EPHA3: variants seen among roughly 807,000 people sequenced by gnomAD.
EPHA3 encodes the protein EPH receptor A3.
EPHA3 carries 42 observed loss-of-function variants against 107.1 expected under a neutral mutation model. The ratio of observed to expected loss-of-function variants is 0.39; its 90% CI spans 0.31 to 0.51. EPHA3 has a LOEUF of 0.51. EPHA3 is among the 20% of genes least tolerant of loss of function. The probability of loss-of-function intolerance (pLI) is 0.78; values close to 1 mark genes in which losing one functional copy is unlikely to be tolerated. For synonymous variants in EPHA3, 461 were observed against 424.8 expected, an observed-to-expected ratio of 1.09 and a Z score of -1.05; for missense variants, 1,183 against 1,211.2, an observed-to-expected ratio of 0.98 and a Z score of 0.35.
In EPHA3 at chr3:89,450,281, C is replaced by A. The variant is rs2107555206; in HGVS notation, c.2601C>A (p.Asn867Lys). ...MLDCWQKDRN[N>K]RPKFEQIVSI... ...ACTGCTGGCAGAAAGACAGGAACAA[C>A]AGACCCAAGTTTGAGCAGATTGTTA... The change falls in exon 15 of 17, where the codon AAC becomes AAA. Residue 867 changes from asparagine to lysine, a missense_variant. Asn to Lys is a moderately conservative substitution (Grantham distance 94). Transcript: ENST00000336596. 6.2e-7 allele frequency: 1 copy of A among 1,614,048 alleles called. No individual in the cohort carries two copies. The highest frequency in any genetic ancestry group is 8.5e-7 in the Non-Finnish European group (1 of 1,179,962).
chr3:89,204,334 A>G (rs991465768), intron 2 of EPHA3, among the ~76,000 whole-genome samples: 1 of 152,144 alleles, frequency 6.6e-6, no homozygotes, highest in Non-Finnish European at 1.5e-5. Context: ...AACTGTCCAC[A>G]TCTTCCCACA....
chr3:89,460,975 C>G (rs375199255), intron 15 of EPHA3, among the ~76,000 whole-genome samples: 3,042 of 119,732 alleles, frequency 0.025, 17 homozygotes, highest in Non-Finnish European at 0.042. Context: ...ATCCCTCCCC[C>G]CTCCCCCGAC....
rs1352754864 is a variant in EPHA3, at chr3:89,130,054, G to C, written c.153+2781G>C. Among the ~76,000 whole-genome samples the C allele has an allele frequency of 2.0e-5, 3 of 152,110 alleles. No homozygotes were observed. In the East Asian group the frequency reaches 5.8e-4, roughly 29 times the overall value. On this transcript the variant is annotated intron_variant, in intron 2 of 16. Transcript: ENST00000336596. ...GGTAGTGGTTCTTAACAGGTTGAGCGAGTAAGGGAAGAGGGAATTTTTATT... is the reference window on the plus strand; with the variant it reads ...GGTAGTGGTTCTTAACAGGTTGAGCCAGTAAGGGAAGAGGGAATTTTTATT...
Position 89,148,367 on chromosome 3 carries a change from T to C in EPHA3, c.153+21094T>C, listed in dbSNP as rs1448568485. On this transcript the variant is annotated intron_variant, in intron 2 of 16. Transcript: ENST00000336596. ...TGTTTTACTGGAAAGAGTCTCTTCTTGGGTTTAAAAATTTTACCAATTAAG... is the reference window on the plus strand; with the variant it reads ...TGTTTTACTGGAAAGAGTCTCTTCTCGGGTTTAAAAATTTTACCAATTAAG... Among the ~76,000 whole-genome samples, 6 of 152,050 alleles carry C rather than the reference T, an allele frequency of 3.9e-5. No individual in the cohort carries two copies. In the East Asian group the frequency reaches 1.2e-3, roughly 30 times the overall value.
chr3:89,305,147 A>G (rs1030436507), intron 3 of EPHA3, among the ~76,000 whole-genome samples: 1 of 152,176 alleles, frequency 6.6e-6, no homozygotes, highest in Non-Finnish European at 1.5e-5. Flanking sequence ...TACTTGCAAT[A>G]CTTTCCATAT....
At chr3:89,194,460 T>C (rs11918311) in intron 2 of EPHA3, among the ~76,000 whole-genome samples, 21,898 of 151,962 alleles carry the variant, frequency 0.14, 1,730 homozygotes, top group African/African-American at 0.22. Flanking sequence ...TGGACTTTTA[T>C]TAGCTTTGAC....
At chr3:89,412,744 C>A (rs1429577073) in intron 9 of EPHA3, among the ~76,000 whole-genome samples, 1 of 151,668 alleles carries the variant, frequency 6.6e-6, no homozygotes, top group Non-Finnish European at 1.5e-5. Flanking sequence ...TAATACATAT[C>A]TGGTTATTAT....
chr3:89,126,367 C>T (rs768076079), intron 1 of EPHA3, among the ~76,000 whole-genome samples: 2 of 151,568 alleles, frequency 1.3e-5, no homozygotes, highest in Non-Finnish European at 1.5e-5. Flanking sequence ...ATTTGAAATG[C>T]TGTTGTATAT....
chr3:89,162,038 G>C (rs1704958903), intron 2 of EPHA3, among the ~76,000 whole-genome samples: 1 of 151,344 alleles, frequency 6.6e-6, no homozygotes, highest in Non-Finnish European at 1.5e-5. Flanking sequence ...AACCTCTCTT[G>C]CTTAGTGAGC....
chr3:89,184,925 T>C (rs910392430), intron 2 of EPHA3, among the ~76,000 whole-genome samples: 6 of 152,068 alleles, frequency 3.9e-5, no homozygotes, highest in Admixed American at 1.3e-4. Context: ...ACAGGGAGAT[T>C]GGCATGTCTG....
chr3:89,157,863 G>GAA (rs59841206), intron 2 of EPHA3, among the ~76,000 whole-genome samples: 44 of 139,162 alleles, frequency 3.2e-4, no homozygotes, highest in South Asian at 4.5e-4. Flanking sequence ...TGAAGAAAAA[G>GAA]AAAAAAAAAA....
chr3:89,131,637 A>G (rs1448189544), intron 2 of EPHA3, among the ~76,000 whole-genome samples: 1 of 152,214 alleles, frequency 6.6e-6, no homozygotes, highest in Non-Finnish European at 1.5e-5. Flanking sequence ...CACTTAATTA[A>G]AGAAACTCCA....
chr3:89,455,814 A>C (rs1710086672), intron 15 of EPHA3, among the ~76,000 whole-genome samples: 1 of 152,238 alleles, frequency 6.6e-6, no homozygotes. Flanking sequence ...ATTCTGTGGC[A>C]GCACCAGTGA....
At chr3:89,438,688 TGTCC>T (rs1359935022) in intron 13 of EPHA3, among the ~76,000 whole-genome samples, 12 of 152,212 alleles carry the variant, frequency 7.9e-5, no homozygotes, top group Admixed American at 7.9e-4. Context: ...ATCTAATTTG[TGTCC>T]TTCATATAGT....
chr3:89,326,356 G>T (rs1262910956), intron 3 of EPHA3, among the ~76,000 whole-genome samples: 1 of 152,060 alleles, frequency 6.6e-6, no homozygotes, highest in African/African-American at 2.4e-5. Flanking sequence ...GGGAACAATG[G>T]CAAGAAAAAG....
intron 3 of EPHA3, among the ~76,000 whole-genome samples, chr3:89,339,641 A>ATATAT (rs1373319272): frequency 6.6e-6 from 1 of 152,156 alleles, no homozygotes; most frequent in African/African-American, 2.4e-5. Flanking sequence ...TCTACCATGG[A>ATATAT]TATATTGTAT....
intron 3 of EPHA3, among the ~76,000 whole-genome samples, chr3:89,246,400 T>C (rs1223147309): frequency 3.3e-5 from 5 of 151,768 alleles, no homozygotes; most frequent in African/African-American, 1.2e-4. Flanking sequence ...AAAGTAAGTT[T>C]AAAAAGTTAT....
At chr3:89,197,289 T>G (rs1705857779) in intron 2 of EPHA3, among the ~76,000 whole-genome samples, 2 of 152,132 alleles carry the variant, frequency 1.3e-5, no homozygotes, top group African/African-American at 2.4e-5. Context: ...GTGTAAGCAC[T>G]TACTATCGAT....
intron 2 of EPHA3, among the ~76,000 whole-genome samples, chr3:89,145,168 C>A (rs1220010798): frequency 6.6e-6 from 1 of 151,468 alleles, no homozygotes; most frequent in Non-Finnish European, 1.5e-5. Flanking sequence ...TTTTGCCTAC[C>A]TGAGTCATTG....
Sources: gnomAD v4.1 joint callset for allele counts (sites outside exome capture counted in the v4.1 genomes callset) on GRCh38, gnomAD v4.1.1 for gene constraint, MANE v1.5 for transcripts, NCBI Gene and HGNC (gene_info 2026-07-23, HGNC 2026-07-21) for gene names.